The following SUGT1 variants were observed in gnomAD, a reference collection of about 807,000 sequenced individuals.
SUGT1 encodes SGT1 assembly cochaperone of MIS12 kinetochore complex, also known as protein SGT1 homolog.
SUGT1 carries 15 observed loss-of-function variants against 56.1 expected under a neutral mutation model. The observed-to-expected ratio is 0.27, with a 90% CI of 0.18 to 0.41. The LOEUF is 0.41. Among genes scored for constraint, SUGT1 ranks in the 10% least tolerant of loss-of-function variants. The probability of loss-of-function intolerance (pLI) is 1.00; values close to 1 mark genes in which losing one functional copy is unlikely to be tolerated. For missense variants in SUGT1, 347 were observed against 382.2 expected (o/e 0.91, Z 0.77); for synonymous variants, 123 against 128.6 (o/e 0.96, Z 0.30).
intron 12 of SUGT1, among the ~76,000 whole-genome samples, chr13:52,684,413 A>C (rs1256672633): frequency 1.2e-4 from 3 of 25,156 alleles, no homozygotes; most frequent in East Asian, 6.0e-3. Flanking sequence ...TTTTTCCTCT[A>C]TTTTTTTGTT....
intron 3 of SUGT1, 87 bp from the exon 4 acceptor site, chr13:52,658,312 C>G (rs532980748): frequency 1.9e-6 from 3 of 1,578,122 alleles, no homozygotes; most frequent in Middle Eastern, 1.8e-4. Flanking sequence ...AACTTGAAAA[C>G]TTAGAAATCT....
At chr13:52,670,097 G>A (rs995868934) in intron 10 of SUGT1, among the ~76,000 whole-genome samples, 2 of 152,124 alleles carry the variant, frequency 1.3e-5, no homozygotes, top group Admixed American at 6.5e-5. Context: ...TTGCTTTTGG[G>A]AATTCTCTTT....
Position 52,687,799 on chromosome 13 carries a change from C to A in SUGT1, c.966C>A (p.Ile322=). The change falls in exon 13 of 13, where the codon ATC becomes ATA. Residue 322 remains isoleucine (I), a synonymous_variant. Transcript: ENST00000310528. ...ATGTAGGTAAAAGGAAAGTTGAAAT[C>A]AATCCTCCTGATGATATGGAATGGA... is the stretch of plus-strand genomic sequence containing the variant. ...WSDVGKRKVE[I]NPPDDMEWKK... The A allele has an allele frequency of 6.2e-7, 1 of 1,602,390 alleles. No homozygotes were observed. The highest frequency in any genetic ancestry group is 8.5e-7 in the Non-Finnish European group (1 of 1,175,260).
At chr13:52,669,596 C>T (rs1245722855) in intron 10 of SUGT1, among the ~76,000 whole-genome samples, 3 of 152,120 alleles carry the variant, frequency 2.0e-5, no homozygotes, top group African/African-American at 7.2e-5. Flanking sequence ...ACTAGTGCAT[C>T]TTTGCTTAGG....
In SUGT1 at chr13:52,676,298, T is replaced by A; in HGVS notation, c.696T>A (p.Pro232=). The change falls in exon 11 of 13, where the codon CCT becomes CCA. Residue 232 remains proline (P), a synonymous_variant. Transcript: ENST00000310528. ...AGCTAGAGGGGCAAGGAGATGTGCC[T>A]ACGCCAAAACAATTCGTAGCAGGTT... ...WEKLEGQGDV[P]TPKQFVADVK... The A allele has an allele frequency of 6.2e-7, 1 of 1,613,016 alleles. No individual in the cohort carries two copies. The highest frequency in any genetic ancestry group is 8.5e-7 in the Non-Finnish European group (1 of 1,179,466).
intron 10 of SUGT1, among the ~76,000 whole-genome samples, chr13:52,672,832 A>T (rs763437065): frequency 9.2e-5 from 14 of 152,190 alleles, no homozygotes; most frequent in Non-Finnish European, 1.6e-4. Flanking sequence ...AATTTCTTTC[A>T]TTGGAAAGAA....
At chr13:52,668,151 T>A (rs1962793564) in intron 10 of SUGT1, among the ~76,000 whole-genome samples, 1 of 152,010 alleles carries the variant, frequency 6.6e-6, no homozygotes, top group Admixed American at 6.6e-5. Context: ...CCCAGCTAAT[T>A]TTTGTATTTT....
rs1299563746 is a variant in SUGT1 at position 52,700,588 on chromosome 13, AT to A, written c.*12754del. 6.6e-6 allele frequency: 1 copy of A among 151,992 alleles called. No individual in the cohort carries two copies. Among genetic ancestry groups the A allele is most frequent in the Non-Finnish European group, 1.5e-5 (1 of 68,030 alleles). The allele number at this position is 151,992 out of a possible 1,614,324, so 9.4% of individuals were successfully genotyped here. A position where few individuals can be genotyped will look rare whatever the true frequency, so the allele number is the denominator to read the frequency against. On this transcript the variant is annotated 3_prime_UTR_variant, in exon 13 of 13. Coordinates refer to ENST00000310528, the MANE Select transcript of SUGT1 (RefSeq NM_006704.5). Reference sequence around the variant, plus strand: ...GCCCTTCAAAAGGAGTTCAGCTTTTATAAACACCAAAACACTCTCTGCCTGT... The same window carrying A: ...GCCCTTCAAAAGGAGTTCAGCTTTTAAAACACCAAAACACTCTCTGCCTGT...
At chr13:52,684,730 A>G (rs116568699) in intron 12 of SUGT1, among the ~76,000 whole-genome samples, 2,333 of 151,236 alleles carry the variant, frequency 0.015, 61 homozygotes, top group African/African-American at 0.053. Context: ...GCCTCCCCAT[A>G]TTGCCCAGGC....
At chr13:52,659,712 T>TTTCA (rs1294080162) in intron 5 of SUGT1, among the ~76,000 whole-genome samples, 1 of 149,740 alleles carries the variant, frequency 6.7e-6, no homozygotes, top group East Asian at 1.9e-4. Context: ...ACTTTTAATG[T>TTTCA]TATATTCTTG....
chr13:52,661,680 T>A (rs1375655693), intron 5 of SUGT1: 4 of 325,388 alleles, frequency 1.2e-5, no homozygotes, highest in African/African-American at 4.6e-5. Context: ...CCTCTTTGTG[T>A]GATAAATTGC....
intron 5 of SUGT1, 82 bp from the exon 6 acceptor site, chr13:52,662,567 G>A: frequency 2.1e-6 from 3 of 1,442,182 alleles, no homozygotes; most frequent in Admixed American, 3.4e-5. Flanking sequence ...CACTGCCTGG[G>A]ATGTAGTAGG....
intron 5 of SUGT1, among the ~76,000 whole-genome samples, chr13:52,661,151 A>G (rs539853239): frequency 1.3e-5 from 2 of 152,136 alleles, no homozygotes; most frequent in Non-Finnish European, 2.9e-5. Context: ...ATATCATGCC[A>G]TTGACATTTA....
chr13:52,666,853 T>C lies in SUGT1; in HGVS notation c.561T>C (p.Asn187=), dbSNP rs1962726421. The C allele has an allele frequency of 6.2e-7, 1 of 1,613,482 alleles. No homozygotes were observed. The highest frequency in any genetic ancestry group is 8.5e-7 in the Non-Finnish European group (1 of 1,179,690). The change falls in exon 10 of 13, where the codon AAT becomes AAC. Residue 187 remains asparagine (N), a synonymous_variant. Coordinates refer to ENST00000310528, the MANE Select transcript of SUGT1 (RefSeq NM_006704.5). The part of the protein sequence containing the change: ...LVKLPSGEDY[N]LKLELLHPII... ...AACTTCCTTCTGGAGAGGATTACAA[T>C]TTGAAACTGGAACTTCTTCATCCTA...
chr13:52,668,374 A>G (rs1411832463), intron 10 of SUGT1, among the ~76,000 whole-genome samples: 1 of 152,202 alleles, frequency 6.6e-6, no homozygotes, highest in African/African-American at 2.4e-5. Flanking sequence ...CCTGTTGTGG[A>G]ACAGGATCGG....
chr13:52,653,556 T>C (rs574242406), intron 2 of SUGT1, among the ~76,000 whole-genome samples: 1 of 152,346 alleles, frequency 6.6e-6, no homozygotes, highest in Non-Finnish European at 1.5e-5. Context: ...TCCAGATGTC[T>C]TATCACAATT....
At chr13:52,659,288 TTC>T (rs1962313920) in intron 5 of SUGT1, 39 bp downstream of exon 5, 1 of 1,283,502 alleles carries the variant, frequency 7.8e-7, no homozygotes, top group African/African-American at 1.6e-5. Context: ...ACTTATCTAT[TTC>T]TGTCTTAAAT....
chr13:52,658,507 A>G, intron 4 of SUGT1, 39 bp downstream of exon 4: 2 of 1,565,860 alleles, frequency 1.3e-6, no homozygotes, highest in Middle Eastern at 1.7e-4. Context: ...CTTGGTATAG[A>G]TAGTAGGTAT....
At chr13:52,668,096 C>A (rs911774157) in intron 10 of SUGT1, among the ~76,000 whole-genome samples, 1 of 151,996 alleles carries the variant, frequency 6.6e-6, no homozygotes, top group East Asian at 1.9e-4. Context: ...GATTCTCCTG[C>A]CTCAGCCTCC....
Sources: allele counts gnomAD v4.1 joint callset (sites outside exome capture counted in the v4.1 genomes callset), GRCh38; gene constraint gnomAD v4.1.1; transcripts MANE v1.5; gene names NCBI Gene and HGNC (gene_info 2026-07-23, HGNC 2026-07-21).